Variants in TENM4 observed in about 807,000 individuals in gnomAD.
The protein encoded by TENM4 is teneurin transmembrane protein 4.
TENM4 carries 82 observed loss-of-function variants against 243.3 expected under a neutral mutation model. The ratio of observed to expected loss-of-function variants is 0.34; its 90% CI spans 0.28 to 0.40. The LOEUF (loss-of-function observed/expected upper bound fraction) is 0.40, where lower values mean the gene tolerates loss of function less well. Ranked by LOEUF, TENM4 falls within the 10% of genes least tolerant of loss-of-function variation. The pLI, the probability that TENM4 is intolerant of heterozygous loss-of-function variation, is 1.00. For missense variants in TENM4, 3,138 were observed against 3,673.3 expected (o/e 0.85, Z 3.77); for synonymous variants, 1,412 against 1,456.3 (o/e 0.97, Z 0.69).
At chr11:79,278,213 C>G (rs982495072) in intron 2 of TENM4, among the ~76,000 whole-genome samples, 5 of 152,138 alleles carry the variant, frequency 3.3e-5, no homozygotes, top group Non-Finnish European at 7.3e-5. Context: ...GGCAGGGGGA[C>G]TTAGGAGTTG....
intron 3 of TENM4, among the ~76,000 whole-genome samples, chr11:79,160,085 C>G (rs1862709204): frequency 6.6e-6 from 1 of 152,098 alleles, no homozygotes. Context: ...TCCATGCACT[C>G]ACTCACTCAT....
intron 1 of TENM4, among the ~76,000 whole-genome samples, chr11:79,436,168 T>C (rs550964884): frequency 8.5e-5 from 13 of 152,270 alleles, no homozygotes; most frequent in African/African-American, 3.1e-4. Flanking sequence ...GCCTTATCGA[T>C]GTTAAAACTG....
intron 1 of TENM4, among the ~76,000 whole-genome samples, chr11:79,380,574 G>A (rs1036807136): frequency 1.3e-5 from 2 of 152,190 alleles, no homozygotes; most frequent in African/African-American, 2.4e-5. Context: ...ATAAGCTTGG[G>A]AAAAGCTGGC....
intron 3 of TENM4, among the ~76,000 whole-genome samples, chr11:79,150,194 A>G (rs1479499824): frequency 6.6e-6 from 1 of 152,012 alleles, no homozygotes; most frequent in African/African-American, 2.4e-5. Flanking sequence ...TGCCTCCATC[A>G]TTTCTTACCT....
intron 1 of TENM4, among the ~76,000 whole-genome samples, chr11:79,394,667 C>T (rs531686068): frequency 1.3e-5 from 2 of 152,256 alleles, no homozygotes; most frequent in South Asian, 2.1e-4. Flanking sequence ...TGGATACAAC[C>T]TTATTTAGAA....
At chr11:78,785,075 T>G (rs1591021949) in intron 16 of TENM4, among the ~76,000 whole-genome samples, 1 of 151,632 alleles carries the variant, frequency 6.6e-6, no homozygotes. Context: ...TTTGTTTTTG[T>G]TTTTTAGATA....
intron 6 of TENM4, among the ~76,000 whole-genome samples, chr11:78,986,889 C>A (rs1197185724): frequency 6.6e-6 from 1 of 152,144 alleles, no homozygotes; most frequent in Non-Finnish European, 1.5e-5. Context: ...TTGTCATTTT[C>A]ATCGTAAGCA....
At chr11:78,990,109 GGTCCC>G (rs1158429668) in intron 6 of TENM4, among the ~76,000 whole-genome samples, 2 of 151,566 alleles carry the variant, frequency 1.3e-5, no homozygotes, top group African/African-American at 4.9e-5. Flanking sequence ...TCCTTTATTG[GGTCCC>G]AGGGTCACTT....
chr11:78,847,872 T>C (rs780146101), intron 12 of TENM4, among the ~76,000 whole-genome samples: 2 of 152,192 alleles, frequency 1.3e-5, no homozygotes, highest in Non-Finnish European at 2.9e-5. Flanking sequence ...AATTATGGTA[T>C]ATAATGTCAG....
chr11:79,009,704 G>A (rs1858592451), intron 6 of TENM4, among the ~76,000 whole-genome samples: 1 of 152,146 alleles, frequency 6.6e-6, no homozygotes, highest in Admixed American at 6.5e-5. Context: ...GCTCAGAGAG[G>A]GCAGGGACTT....
intron 1 of TENM4, among the ~76,000 whole-genome samples, chr11:79,345,494 A>G (rs1172615500): frequency 1.3e-5 from 2 of 152,200 alleles, no homozygotes; most frequent in Non-Finnish European, 2.9e-5. Flanking sequence ...AATCTCTATA[A>G]CAAGCGAAAT....
At chr11:79,217,773 A>C (rs1030256916) in intron 2 of TENM4, among the ~76,000 whole-genome samples, 1 of 150,944 alleles carries the variant, frequency 6.6e-6, no homozygotes, top group Non-Finnish European at 1.5e-5. Flanking sequence ...CCCAGGCTGG[A>C]GTGCAGTGGC....
intron 4 of TENM4, among the ~76,000 whole-genome samples, chr11:79,114,939 A>G (rs1215773273): frequency 2.6e-5 from 4 of 152,216 alleles, no homozygotes; most frequent in African/African-American, 4.8e-5. Context: ...ATGTTTATTA[A>G]GCATCTTGAG....
intron 2 of TENM4, among the ~76,000 whole-genome samples, chr11:79,278,119 G>C (rs1474161222): frequency 6.6e-6 from 1 of 152,224 alleles, no homozygotes; most frequent in Non-Finnish European, 1.5e-5. Context: ...TAGATCTGGA[G>C]TGACTGGTAA....
At chr11:79,293,772 A>G (rs1178259075) in intron 2 of TENM4, among the ~76,000 whole-genome samples, 1 of 152,148 alleles carries the variant, frequency 6.6e-6, no homozygotes, top group African/African-American at 2.4e-5. Flanking sequence ...TCAATGGCTT[A>G]CCCGGTTTGG....
chr11:78,688,218 C>A lies in TENM4; in HGVS notation c.5096G>T (p.Ser1699Ile), dbSNP rs753399520. ...GGTCACATTTGTCAGGCGGCCAAAGCTGTCGTACCTGGAAACCAAGGGGTG... is the reference window on the plus strand; with the variant it reads ...GGTCACATTTGTCAGGCGGCCAAAGATGTCGTACCTGGAAACCAAGGGGTG... Reference protein sequence around the residue: ...NGWTTFYEYDSFGRLTNVTFP... With the variant: ...NGWTTFYEYDIFGRLTNVTFP... The change falls in exon 29 of 34, where the codon AGC becomes ATC. Residue 1699 changes from serine (S) to isoleucine (I), a missense_variant. By Grantham distance (142) the Ser-to-Ile change is moderately radical. Transcript: ENST00000278550. 2 of 1,612,890 alleles carry A rather than the reference C, an allele frequency of 1.2e-6. No homozygotes were observed. Among genetic ancestry groups the A allele is most frequent in the Admixed American group, 3.3e-5 (2 of 59,956 alleles).
chr11:79,026,021 C>T (rs546491096), intron 6 of TENM4, among the ~76,000 whole-genome samples: 1 of 152,282 alleles, frequency 6.6e-6, no homozygotes, highest in South Asian at 2.1e-4. Flanking sequence ...TTTCTAGATG[C>T]TGTAAGCCTT....
At position 78,738,162 on chromosome 11, in the gene TENM4, C is replaced by T. The variant is rs559824225; in HGVS notation, c.2876+289G>A. On this transcript the variant is annotated intron_variant, in intron 20 of 33. Coordinates refer to ENST00000278550, the MANE Select transcript of TENM4 (RefSeq NM_001098816.3). The stretch of plus-strand genomic sequence containing the variant: ...GCTGTCTGTTCTGCAGAAAGTGGTT[C>T]GCATGACTGTTTTATATCATAAGTC... Among the ~76,000 whole-genome samples, 6 of 152,262 alleles carry T rather than the reference C, an allele frequency of 3.9e-5. No homozygotes were observed. The South Asian group carries it at 8.3e-4, about 21-fold the overall frequency.
intron 3 of TENM4, among the ~76,000 whole-genome samples, chr11:79,175,337 T>TG (rs1863139005): frequency 6.6e-6 from 1 of 152,212 alleles, no homozygotes; most frequent in African/African-American, 2.4e-5. Context: ...ACTCACTAGT[T>TG]GAAGTGGGGC....
Sources: gnomAD v4.1 joint callset for allele counts (sites outside exome capture counted in the v4.1 genomes callset) on GRCh38, gnomAD v4.1.1 for gene constraint, MANE v1.5 for transcripts, NCBI Gene and HGNC (gene_info 2026-07-23, HGNC 2026-07-21) for gene names.